Variants in NCAM1 observed in about 807,000 individuals in gnomAD.
NCAM1 encodes antigen recognized by monoclonal antibody 5.1H11.
A neutral mutation model predicts 109.8 loss-of-function variants in NCAM1; 14 were observed. The ratio of observed to expected loss-of-function variants is 0.13; its 90% CI spans 0.08 to 0.20. The LOEUF (loss-of-function observed/expected upper bound fraction) is 0.20, where lower values mean the gene tolerates loss of function less well. NCAM1 is among the 10% of genes least tolerant of loss of function. The probability of loss-of-function intolerance (pLI) is 1.00; values close to 1 mark genes in which losing one functional copy is unlikely to be tolerated. For missense variants in NCAM1, 774 were observed against 1,109.9 expected (o/e 0.70, Z 4.30); for synonymous variants, 418 against 442.9 (o/e 0.94, Z 0.70).
At chr11:113,252,410 A>T (rs1555121508) in intron 15 of NCAM1, among the ~76,000 whole-genome samples, 1 of 151,676 alleles carries the variant, frequency 6.6e-6, no homozygotes, top group African/African-American at 2.4e-5. Flanking sequence ...TGTCTCAAAA[A>T]AAAAAAAAAA....
At chr11:113,112,552 A>G (rs978127024) in intron 1 of NCAM1, among the ~76,000 whole-genome samples, 7 of 152,160 alleles carry the variant, frequency 4.6e-5, no homozygotes, top group African/African-American at 1.4e-4. Flanking sequence ...TTCCCATTGC[A>G]TGCTTGAAGA....
chr11:113,106,429 C>T (rs1297105306), intron 1 of NCAM1, among the ~76,000 whole-genome samples: 2 of 152,172 alleles, frequency 1.3e-5, no homozygotes, highest in African/African-American at 4.8e-5. Flanking sequence ...TTTCGTGAGA[C>T]ATCCTACATA....
intron 17 of NCAM1, among the ~76,000 whole-genome samples, chr11:113,261,980 C>T (rs1555123452): frequency 6.6e-6 from 1 of 152,062 alleles, no homozygotes; most frequent in African/African-American, 2.4e-5. Flanking sequence ...CGCCCAGGTG[C>T]CCACTTAAGC....
chr11:113,140,003 T>C (rs112973342), intron 1 of NCAM1, among the ~76,000 whole-genome samples: 19 of 152,338 alleles, frequency 1.2e-4, no homozygotes, highest in African/African-American at 4.6e-4. Context: ...AGCCTCTTCA[T>C]ACCTCAAGTG....
intron 1 of NCAM1, among the ~76,000 whole-genome samples, chr11:113,072,883 C>T (rs368324916): frequency 8.0e-5 from 12 of 150,926 alleles, no homozygotes; most frequent in East Asian, 7.8e-4. Context: ...ATCATCTTAA[C>T]CATTTTTAAG....
At position 113,099,163 on chromosome 11, in the gene NCAM1, T is replaced by G. The variant is rs578144289; in HGVS notation, c.53-103216T>G. ...TCATTTTCCCAAGATCACGTTTATT[T>G]AGTGGTGGAGATTAGAGGCAAACCT... is the stretch of plus-strand genomic sequence containing the variant. On this transcript the variant is annotated intron_variant, in intron 1 of 19. Coordinates refer to ENST00000316851, the MANE Select transcript of NCAM1 (RefSeq NM_181351.5). Among the ~76,000 whole-genome samples, 4 of 152,286 alleles carry G rather than the reference T, an allele frequency of 2.6e-5. No individual in the cohort carries two copies. In the East Asian group the frequency reaches 7.7e-4, roughly 29 times the overall value.
intron 1 of NCAM1, among the ~76,000 whole-genome samples, chr11:113,007,516 G>A (rs902456231): frequency 6.6e-5 from 10 of 152,186 alleles, no homozygotes; most frequent in Admixed American, 1.3e-4. Flanking sequence ...CCAAGCTAAG[G>A]GACGTGCACA....
At chr11:113,111,692 C>T (rs1301105962) in intron 1 of NCAM1, among the ~76,000 whole-genome samples, 4 of 152,162 alleles carry the variant, frequency 2.6e-5, no homozygotes, top group African/African-American at 9.7e-5. Context: ...AAAATATAAG[C>T]CGATGTTAAC....
intron 1 of NCAM1, among the ~76,000 whole-genome samples, chr11:112,996,906 G>A (rs1951610724): frequency 6.6e-6 from 1 of 152,204 alleles, no homozygotes; most frequent in Non-Finnish European, 1.5e-5. Context: ...CTAAAATGCA[G>A]ACATTACTGG....
chr11:113,256,111 T>G, intron 16 of NCAM1, 110 bp downstream of exon 16: 1 of 1,403,130 alleles, frequency 7.1e-7, no homozygotes, highest in Non-Finnish European at 9.6e-7. Context: ...GGGGTCTTAT[T>G]CTGTGTCTGG....
intron 1 of NCAM1, among the ~76,000 whole-genome samples, chr11:113,114,410 G>C (rs1940592843): frequency 6.6e-6 from 1 of 152,178 alleles, no homozygotes; most frequent in South Asian, 2.1e-4. Flanking sequence ...CTAGGGCATG[G>C]GGCTTCTCTG....
At chr11:113,144,584 C>T (rs1171056902) in intron 1 of NCAM1, among the ~76,000 whole-genome samples, 1 of 152,150 alleles carries the variant, frequency 6.6e-6, no homozygotes, top group African/African-American at 2.4e-5. Flanking sequence ...AGTAATGCAG[C>T]AACCTAAGTG....
chr11:112,979,242 CAAAA>C (rs1177366356), intron 1 of NCAM1, among the ~76,000 whole-genome samples: 1 of 149,420 alleles, frequency 6.7e-6, no homozygotes, highest in Admixed American at 6.7e-5. Context: ...AAAAAACAAA[CAAAA>C]AAAACCTGTA....
intron 15 of NCAM1, 122 bp from the exon 16 acceptor site, chr11:113,255,755 A>G: frequency 8.7e-7 from 1 of 1,146,824 alleles, no homozygotes; most frequent in South Asian, 1.6e-5. Flanking sequence ...CTTTTTAACC[A>G]TTTGAATTTC....
At chr11:113,149,348 A>G (rs1942139813) in intron 1 of NCAM1, among the ~76,000 whole-genome samples, 1 of 152,224 alleles carries the variant, frequency 6.6e-6, no homozygotes, top group African/African-American at 2.4e-5. Flanking sequence ...CGCCACATGC[A>G]TAGTGATATT....
intron 1 of NCAM1, among the ~76,000 whole-genome samples, chr11:112,990,646 G>A (rs1046266780): frequency 1.3e-5 from 2 of 152,154 alleles, no homozygotes; most frequent in Admixed American, 1.3e-4. Context: ...TAGAGCTGAG[G>A]TCTGTAGGTT....
chr11:112,981,197 A>T (rs1229832668), intron 1 of NCAM1, among the ~76,000 whole-genome samples: 1 of 151,762 alleles, frequency 6.6e-6, no homozygotes, highest in East Asian at 1.9e-4. Flanking sequence ...CTTATCATTC[A>T]TTCTCTGTGC....
chr11:113,130,655 G>A (rs1444450193), intron 1 of NCAM1: 4 of 152,172 alleles, frequency 2.6e-5, no homozygotes, highest in African/African-American at 9.7e-5. Context: ...TTCATGCTAT[G>A]TCCTGCTTCT....
At chr11:113,243,098 C>A in intron 14 of NCAM1, 1 of 620,316 alleles carries the variant, frequency 1.6e-6, no homozygotes, top group Non-Finnish European at 2.0e-6. Context: ...TTTTCCAAAT[C>A]GACTCTCTAG....
Sources: gnomAD v4.1 joint callset for allele counts (sites outside exome capture counted in the v4.1 genomes callset) on GRCh38, gnomAD v4.1.1 for gene constraint, MANE v1.5 for transcripts, NCBI Gene and HGNC (gene_info 2026-07-23, HGNC 2026-07-21) for gene names.